Variants in ARID4A observed in about 807,000 individuals in gnomAD.
ARID4A encodes the protein AT-rich interactive domain-containing protein 4A.
ARID4A carries 39 observed loss-of-function variants against 148.6 expected under a neutral mutation model. That is an observed-to-expected ratio of 0.26 (90% CI 0.20 to 0.34). The LOEUF is 0.34. ARID4A is among the 10% of genes least tolerant of loss of function. The pLI is 1.00. For missense variants in ARID4A, 1,265 were observed against 1,449.1 expected, an observed-to-expected ratio of 0.87 and a Z score of 2.06; for synonymous variants, 475 against 481.2, an observed-to-expected ratio of 0.99 and a Z score of 0.17.
intron 23 of ARID4A, 121 bp downstream of exon 23, chr14:58,367,150 C>G (rs2035392704): frequency 1.3e-6 from 1 of 755,734 alleles, no homozygotes. Context: ...TTTTAAATTC[C>G]TAGTGTTTTC....
intron 14 of ARID4A, 92 bp downstream of exon 14, chr14:58,347,209 A>G (rs1594937553): frequency 1.6e-6 from 1 of 641,174 alleles, no homozygotes; most frequent in Non-Finnish European, 2.4e-6. Flanking sequence ...ATCTAGAAAC[A>G]TTAAAGTTAG....
chr14:58,344,838 T>A, intron 12 of ARID4A, 71 bp downstream of exon 12: 1 of 1,141,072 alleles, frequency 8.8e-7, no homozygotes, highest in Non-Finnish European at 1.3e-6. Context: ...TATGCATTGT[T>A]TTTGTTAGTA....
intron 5 of ARID4A, among the ~76,000 whole-genome samples, chr14:58,315,563 T>C (rs904368165): frequency 6.6e-6 from 1 of 152,222 alleles, no homozygotes; most frequent in Non-Finnish European, 1.5e-5. Flanking sequence ...ATCTTTGGTA[T>C]TGTAGGCATT....
intron 11 of ARID4A, chr14:58,331,627 C>A (rs1289697026): frequency 6.6e-6 from 1 of 151,900 alleles, no homozygotes; most frequent in Non-Finnish European, 1.5e-5. Context: ...CAGAACCAAG[C>A]GATATTCTTT....
chr14:58,370,554 C>A (rs1351516721), intron 23 of ARID4A, among the ~76,000 whole-genome samples: 1 of 152,174 alleles, frequency 6.6e-6, no homozygotes, highest in Non-Finnish European at 1.5e-5. Context: ...ACCTCGTCCT[C>A]CCAAAGTGCT....
rs1229674958 is a variant in ARID4A at position 58,344,724 on chromosome 14, G to A, written c.936G>A (p.Arg312=). 2.5e-6 allele frequency: 4 copies of A among 1,612,714 alleles called. No homozygotes were observed. The highest frequency in any genetic ancestry group is 3.4e-6 in the Non-Finnish European group (4 of 1,179,294). The change falls in exon 12 of 24, where the codon AGG becomes AGA. Residue 312 remains arginine, a synonymous_variant. Transcript: ENST00000355431. Reference sequence around the variant, plus strand: ...AGGAAGAACTTGATCCTGAAGAGAGGGACAACTTCCTCCAGCAGCTTTATA... The same window carrying A: ...AGGAAGAACTTGATCCTGAAGAGAGAGACAACTTCCTCCAGCAGCTTTATA... The part of the protein sequence containing the change: ...VPEEELDPEE[R]DNFLQQLYKF...
At chr14:58,317,606 A>G (rs1356486903) in intron 5 of ARID4A, among the ~76,000 whole-genome samples, 1 of 149,524 alleles carries the variant, frequency 6.7e-6, no homozygotes, top group Non-Finnish European at 1.5e-5. Flanking sequence ...TTCTTTTTAA[A>G]AAAACCTTTA....
intron 5 of ARID4A, among the ~76,000 whole-genome samples, chr14:58,317,761 T>C (rs1368178853): frequency 6.7e-6 from 1 of 149,590 alleles, no homozygotes; most frequent in African/African-American, 2.5e-5. Context: ...GCCTCTCCAG[T>C]AGCTGGGACC....
chr14:58,342,322 A>G (rs1489883337), intron 11 of ARID4A, among the ~76,000 whole-genome samples: 1 of 152,196 alleles, frequency 6.6e-6, no homozygotes, highest in Non-Finnish European at 1.5e-5. Context: ...ATTCATTTAT[A>G]TCTTGTTTAA....
intron 16 of ARID4A, among the ~76,000 whole-genome samples, chr14:58,352,883 C>T (rs1480934833): frequency 6.6e-6 from 1 of 152,044 alleles, no homozygotes; most frequent in Non-Finnish European, 1.5e-5. Context: ...TGTTAATCTT[C>T]CTTATACCTG....
intron 4 of ARID4A, 142 bp downstream of exon 4, chr14:58,305,151 G>T (rs1008426057): frequency 3.2e-6 from 2 of 634,060 alleles, no homozygotes; most frequent in Non-Finnish European, 5.1e-6. Context: ...AATATAATTA[G>T]TATAAATTGT....
intron 7 of ARID4A, among the ~76,000 whole-genome samples, chr14:58,322,963 CAA>C (rs386381476): frequency 0.018 from 743 of 42,198 alleles, 10 homozygotes; most frequent in African/African-American, 0.078. Context: ...ACTCCATTTC[CAA>C]AAAAAAAAAA....
intron 17 of ARID4A, among the ~76,000 whole-genome samples, chr14:58,354,326 G>A (rs1031820419): frequency 2.0e-5 from 3 of 152,050 alleles, no homozygotes; most frequent in Non-Finnish European, 4.4e-5. Flanking sequence ...ATTCTAAGTC[G>A]ACTAATTAAT....
chr14:58,338,669 C>A, intron 11 of ARID4A, among the ~76,000 whole-genome samples: 1 of 151,476 alleles, frequency 6.6e-6, no homozygotes, highest in African/African-American at 2.4e-5. Context: ...ATGAAGAGGG[C>A]CAGAAGAGGG....
At chr14:58,370,299 G>A (rs535090359) in intron 23 of ARID4A, among the ~76,000 whole-genome samples, 4 of 152,260 alleles carry the variant, frequency 2.6e-5, no homozygotes, top group East Asian at 3.9e-4. Context: ...CAATTAAAAA[G>A]ATTTTCTTTT....
rs2034744006 is a variant in ARID4A at position 58,353,758 on chromosome 14, G to C, written c.1756G>C (p.Gly586Arg). The C allele has an allele frequency of 6.2e-7, 1 of 1,613,880 alleles. No homozygotes were observed. The change falls in exon 17 of 24, where the codon GGG becomes CGG. Residue 586 changes from glycine (G) to arginine (R), a missense_variant. Coordinates refer to ENST00000355431, the MANE Select transcript of ARID4A (RefSeq NM_002892.4). The part of the protein sequence containing the change: ...GTKVKVKYGR[G>R]KTQKIYEASI... ...CAAAGTGAAAGTAAAATATGGACGA[G>C]GGAAGACTCAGAAAATTTATGAAGC...
intron 14 of ARID4A, 41 bp downstream of exon 14, chr14:58,347,158 A>G: frequency 1.8e-6 from 2 of 1,117,400 alleles, no homozygotes; most frequent in Non-Finnish European, 2.5e-6. Flanking sequence ...ATATATTTAT[A>G]GGAAATATTT....
At chr14:58,320,613 T>C (rs1594891409) in intron 7 of ARID4A, among the ~76,000 whole-genome samples, 1 of 150,270 alleles carries the variant, frequency 6.7e-6, no homozygotes, top group South Asian at 2.1e-4. Flanking sequence ...TTTTTTTTTT[T>C]TTTTTTTCCC....
In ARID4A at chr14:58,361,374, G is replaced by A. The variant is rs556577223; in HGVS notation, c.2080+332G>A. 3.3e-5 allele frequency among the ~76,000 whole-genome samples: 5 copies of A among 151,816 alleles called. No individual in the cohort carries two copies. In the South Asian group the frequency reaches 1.0e-3, roughly 32 times the overall value. ...TTTATACCATATTTTTAATAGTTTT[G>A]TTCATGAAATAAAGATTGTGTTATT... On this transcript the variant is annotated intron_variant, in intron 19 of 23. Coordinates refer to ENST00000355431, the MANE Select transcript of ARID4A (RefSeq NM_002892.4).
Sources: gnomAD v4.1 joint callset for allele counts (sites outside exome capture counted in the v4.1 genomes callset) on GRCh38, gnomAD v4.1.1 for gene constraint, MANE v1.5 for transcripts, NCBI Gene and HGNC (gene_info 2026-07-23, HGNC 2026-07-21) for gene names.